MPDZ: variants seen among roughly 807,000 people sequenced by gnomAD.
MPDZ encodes multiple PDZ domain crumbs cell polarity complex component, also known as multiple PDZ domain protein.
A neutral mutation model predicts 239.1 loss-of-function variants in MPDZ; 234 were observed. The observed-to-expected ratio is 0.98, with a 90% CI of 0.88 to 1.09. The LOEUF is 1.09. MPDZ is among the 50% of genes least tolerant of loss of function. The pLI is 0.00. For synonymous variants in MPDZ, 1,048 were observed against 881.3 expected (o/e 1.19, Z -3.35); for missense variants, 3,175 against 2,510.0 (o/e 1.26, Z -5.66).
chr9:13,269,560 G>T (rs946439813), intron 1 of MPDZ, among the ~76,000 whole-genome samples: 21 of 152,116 alleles, frequency 1.4e-4, no homozygotes, highest in Non-Finnish European at 2.9e-4. Flanking sequence ...TTCTTATTCA[G>T]CTCCATACTA....
intron 28 of MPDZ, among the ~76,000 whole-genome samples, 156 bp from the exon 29 acceptor site, chr9:13,138,309 A>G (rs1947142867): frequency 6.6e-6 from 1 of 152,230 alleles, no homozygotes; most frequent in Non-Finnish European, 1.5e-5. Flanking sequence ...GCACTTGGGC[A>G]TCAGGACTGG....
At chr9:13,138,414 C>T (rs1947162039) in intron 28 of MPDZ, among the ~76,000 whole-genome samples, 2 of 151,988 alleles carry the variant, frequency 1.3e-5, no homozygotes, top group African/African-American at 4.8e-5. Context: ...AGTGGTTACA[C>T]CAAAGAGAAG....
intron 32 of MPDZ, among the ~76,000 whole-genome samples, chr9:13,132,578 C>T (rs1222687783): frequency 2.0e-5 from 3 of 152,110 alleles, no homozygotes. Context: ...AGCCATCAGG[C>T]AACTCTATAC....
intron 3 of MPDZ, among the ~76,000 whole-genome samples, chr9:13,238,033 A>G (rs1206110693): frequency 1.3e-5 from 2 of 152,208 alleles, no homozygotes; most frequent in Non-Finnish European, 2.9e-5. Flanking sequence ...GGAGTTAAGA[A>G]GAAATTACTT....
At chr9:13,270,115 T>A (rs917767650) in intron 1 of MPDZ, among the ~76,000 whole-genome samples, 1 of 152,230 alleles carries the variant, frequency 6.6e-6, no homozygotes, top group Admixed American at 6.5e-5. Flanking sequence ...CTTAATTAAC[T>A]CATCTACTAT....
intron 27 of MPDZ, among the ~76,000 whole-genome samples, chr9:13,140,681 T>G (rs938111168): frequency 6.6e-6 from 1 of 151,788 alleles, no homozygotes. Context: ...AACTTTCCCT[T>G]CTAGAAAAAA....
intron 21 of MPDZ, 142 bp from the exon 22 acceptor site, chr9:13,168,706 A>G (rs1456615580): frequency 5.9e-6 from 4 of 679,122 alleles, no homozygotes; most frequent in Non-Finnish European, 2.3e-6. Context: ...AAAAACAGGA[A>G]AAAGTGTTTC....
chr9:13,162,381 G>A (rs995014476), intron 23 of MPDZ, among the ~76,000 whole-genome samples: 6 of 151,696 alleles, frequency 4.0e-5, no homozygotes, highest in African/African-American at 4.8e-5. Flanking sequence ...AATTTCTTAC[G>A]TTCTAAGAAA....
chr9:13,223,505 C>G, intron 5 of MPDZ, 66 bp downstream of exon 5: 1 of 1,501,912 alleles, frequency 6.7e-7, no homozygotes, highest in African/African-American at 1.4e-5. Flanking sequence ...TTCTAAATTC[C>G]TGCATAGTAA....
At chr9:13,119,866 T>TAAGC (rs1317858901) in intron 38 of MPDZ, 1 of 559,360 alleles carries the variant, frequency 1.8e-6, no homozygotes, top group Non-Finnish European at 3.2e-6. Flanking sequence ...TGATCTCCAA[T>TAAGC]AAGCATATTT....
chr9:13,193,392 G>A (rs1289646167), intron 13 of MPDZ, 79 bp from the exon 14 acceptor site: 8 of 1,405,870 alleles, frequency 5.7e-6, no homozygotes, highest in Non-Finnish European at 7.5e-6. Context: ...TATGTTTTAT[G>A]TTTACCCAAA....
intron 39 of MPDZ, among the ~76,000 whole-genome samples, chr9:13,118,834 T>C (rs945348444): frequency 4.6e-5 from 7 of 152,192 alleles, no homozygotes; most frequent in Admixed American, 1.3e-4. Context: ...GTGAGTTTGC[T>C]TTGGAGGAAA....
intron 22 of MPDZ, among the ~76,000 whole-genome samples, chr9:13,168,089 T>A (rs745713434): frequency 6.6e-6 from 1 of 152,146 alleles, no homozygotes. Context: ...GTGAGAATCA[T>A]TGCATCCCTC....
At chr9:13,136,327 T>TTTTTTTTTTTTTTTTTTTTTTTG (rs1946770185) in intron 30 of MPDZ, 145 bp from the exon 31 acceptor site, 1 of 228,878 alleles carries the variant, frequency 4.4e-6, no homozygotes, top group Non-Finnish European at 8.0e-6. Flanking sequence ...AACGTTTTCT[T>TTTTTTTTTTTTTTTTTTTTTTTG]TTTTTTTTTT....
At position 13,193,171 on chromosome 9, in the gene MPDZ, A is replaced by G; in HGVS notation, c.1799T>C (p.Leu600Ser). The change falls in exon 14 of 47, where the codon TTG (leucine) becomes TCG (serine). Residue 600 changes from leucine (L) to serine (S), a missense_variant. Physicochemically the swap from Leu to Ser is moderately radical, Grantham distance 145. Coordinates refer to ENST00000319217, the MANE Select transcript of MPDZ (RefSeq NM_001378778.1). ...AGGAACAGCATAGCTCCTTACTTCC[A>G]ATAGCTCGTCTCCACTGAAGAGCTT... ...SGKLFSGDEL[L>S]EVNGITLLGE... 1.3e-6 allele frequency: 2 copies of G among 1,576,826 alleles called. No homozygotes were observed. The highest frequency in any genetic ancestry group is 1.7e-6 in the Non-Finnish European group (2 of 1,158,252).
intron 39 of MPDZ, among the ~76,000 whole-genome samples, chr9:13,117,223 G>C (rs960453471): frequency 2.6e-5 from 4 of 152,238 alleles, no homozygotes; most frequent in African/African-American, 7.2e-5. Flanking sequence ...CACAGGAAGA[G>C]AAACTGCAGA....
At position 13,224,570 on chromosome 9, in the gene MPDZ, G is replaced by C; in HGVS notation, c.197C>G (p.Thr66Ser). The C allele has an allele frequency of 6.2e-7, 1 of 1,609,536 alleles. No individual in the cohort carries two copies. Among genetic ancestry groups the C allele is most frequent in the Non-Finnish European group, 8.5e-7 (1 of 1,177,306 alleles). ...QQLKDQVNIATSATSNIEYAH... is the reference protein window; with the variant it reads ...QQLKDQVNIASSATSNIEYAH... Reference sequence around the variant, plus strand: ...ATATTCAATATTTGAAGTTGCTGAAGTTGCAATATTTACCTAAGAGTAATG... The same window carrying C: ...ATATTCAATATTTGAAGTTGCTGAACTTGCAATATTTACCTAAGAGTAATG... The change falls in exon 4 of 47, where the codon ACT becomes AGT. Residue 66 changes from threonine (T) to serine (S), a missense_variant. Transcript: ENST00000319217.
chr9:13,221,517 T>C lies in MPDZ; in HGVS notation c.748-17A>G, dbSNP rs750939448. The C allele has an allele frequency of 1.2e-6, 2 of 1,602,342 alleles. No individual in the cohort carries two copies. The highest frequency in any genetic ancestry group is 1.7e-6 in the Non-Finnish European group (2 of 1,174,280). ...CCAGTGAACCTACAAACAAAGCTCA[T>C]ATATGAATTTGTAGAAATTTACAAA... On this transcript the variant is annotated splice_polypyrimidine_tract_variant and intron_variant, in intron 6 of 46. Coordinates refer to ENST00000319217, the MANE Select transcript of MPDZ (RefSeq NM_001378778.1).
intron 22 of MPDZ, among the ~76,000 whole-genome samples, chr9:13,163,875 A>G (rs560947163): frequency 2.8e-4 from 43 of 152,276 alleles, no homozygotes; most frequent in African/African-American, 1.0e-3. Context: ...AATTTCAAAT[A>G]TATTGGTTAT....
Sources: allele counts gnomAD v4.1 joint callset (sites outside exome capture counted in the v4.1 genomes callset), GRCh38; gene constraint gnomAD v4.1.1; transcripts MANE v1.5; gene names NCBI Gene and HGNC (gene_info 2026-07-23, HGNC 2026-07-21).